ELL2: variants seen among roughly 807,000 people sequenced by gnomAD.
The protein encoded by ELL2 is RNA polymerase II elongation factor ELL2.
ELL2 carries 21 observed loss-of-function variants against 72.8 expected under a neutral mutation model. The ratio of observed to expected loss-of-function variants is 0.29; its 90% CI spans 0.20 to 0.42. ELL2 has a LOEUF of 0.42. ELL2 is among the 10% of genes least tolerant of loss of function. The pLI is 1.00. For missense variants in ELL2, 568 were observed against 772.8 expected (o/e 0.73, Z 3.14); for synonymous variants, 266 against 283.2 (o/e 0.94, Z 0.61).
intron 4 of ELL2, among the ~76,000 whole-genome samples, chr5:95,909,074 A>G (rs552837959): frequency 2.0e-5 from 3 of 152,326 alleles, no homozygotes; most frequent in African/African-American, 7.2e-5. Flanking sequence ...GGAGGTCTCC[A>G]AGGTCTACTG....
intron 5 of ELL2, among the ~76,000 whole-genome samples, chr5:95,905,041 C>T (rs1749301758): frequency 6.6e-6 from 1 of 151,976 alleles, no homozygotes; most frequent in African/African-American, 2.4e-5. Flanking sequence ...AATATGAGTG[C>T]CTAGGCCCCA....
chr5:95,936,725 A>C (rs57471342), intron 2 of ELL2, among the ~76,000 whole-genome samples: 38,024 of 151,950 alleles, frequency 0.25, 4,995 homozygotes, highest in East Asian at 0.37. Flanking sequence ...AACATAGGTG[A>C]CAGAGTAAGG....
chr5:95,900,868 A>C, intron 6 of ELL2, 88 bp from the exon 7 acceptor site: 11 of 1,559,194 alleles, frequency 7.1e-6, no homozygotes, highest in Non-Finnish European at 9.5e-6. Flanking sequence ...TCCCACCTTA[A>C]CACTAAAATA....
intron 1 of ELL2, among the ~76,000 whole-genome samples, chr5:95,946,614 G>A (rs964733758): frequency 6.6e-6 from 1 of 152,110 alleles, no homozygotes; most frequent in African/African-American, 2.4e-5. Context: ...AAACACATCC[G>A]CTATCAACCA....
At position 95,900,795 on chromosome 5, in the gene ELL2, C is replaced by T; in HGVS notation, c.867-15G>A. The T allele has an allele frequency of 1.3e-6, 2 of 1,598,356 alleles. No homozygotes were observed. The highest frequency in any genetic ancestry group is 1.7e-6 in the Non-Finnish European group (2 of 1,173,856). On this transcript the variant is annotated splice_polypyrimidine_tract_variant and intron_variant, in intron 6 of 11. Coordinates refer to ENST00000237853, the MANE Select transcript of ELL2 (RefSeq NM_012081.6). ...GATTTAGTTTTCTGTAAAGGACACA[C>T]ATGTTATGTGTTAAGGAGATGATTT...
intron 2 of ELL2, among the ~76,000 whole-genome samples, chr5:95,928,288 C>T (rs1303043394): frequency 6.6e-6 from 1 of 152,144 alleles, no homozygotes; most frequent in Non-Finnish European, 1.5e-5. Context: ...ATAGTTTCTT[C>T]AAAATGCAGT....
intron 9 of ELL2, among the ~76,000 whole-genome samples, chr5:95,893,246 C>G (rs1037590273): frequency 1.3e-5 from 2 of 152,056 alleles, no homozygotes; most frequent in African/African-American, 4.8e-5. Flanking sequence ...TGTTGTAGTT[C>G]TACAGTTGGC....
Position 95,895,718 on chromosome 5 carries a change from G to T in ELL2, c.1526-27C>A, listed in dbSNP as rs146922214. 28 of 1,583,728 alleles carry T rather than the reference G, an allele frequency of 1.8e-5. No individual in the cohort carries two copies. In the African/African-American group the frequency reaches 3.6e-4, roughly 21 times the overall value. ...TATGAAGAAAAAAAACAAAATCAGA[G>T]CATTCATCAACTACGAAGGTTATCA... On this transcript the variant is annotated intron_variant, in intron 8 of 11. Coordinates refer to ENST00000237853, the MANE Select transcript of ELL2 (RefSeq NM_012081.6).
intron 1 of ELL2, among the ~76,000 whole-genome samples, chr5:95,953,774 C>G (rs968223145): frequency 3.3e-5 from 5 of 152,320 alleles, no homozygotes; most frequent in Non-Finnish European, 7.4e-5. Context: ...ATTGAAAGCA[C>G]TCCTTCAAGG....
rs557499888 is a variant in ELL2 at position 95,886,669 on chromosome 5, A to T, written c.*2202T>A. The T allele has an allele frequency of 6.6e-6, 1 of 152,018 alleles. No individual in the cohort carries two copies. The highest frequency in any genetic ancestry group is 1.9e-4 in the East Asian group (1 of 5,182). 9.4% of individuals were successfully genotyped at this position (152,018 alleles called of 1,614,324 possible). ...TGACATGATGGACATTAAAAAAAAAAAAAAGCCAATAGTTGACCTTCAGTT... is the reference window on the plus strand; with the variant it reads ...TGACATGATGGACATTAAAAAAAAATAAAAGCCAATAGTTGACCTTCAGTT... On this transcript the variant is annotated 3_prime_UTR_variant, in exon 12 of 12. Transcript: ENST00000237853.
intron 4 of ELL2, among the ~76,000 whole-genome samples, chr5:95,908,345 G>A (rs1183728664): frequency 6.6e-6 from 1 of 152,086 alleles, no homozygotes; most frequent in East Asian, 1.9e-4. Flanking sequence ...ATGCTCAAAG[G>A]GTAAAATCCT....
Position 95,961,571 on chromosome 5 carries a change from T to A in ELL2, c.147+4A>T. On this transcript the variant is annotated splice_donor_region_variant and intron_variant, in intron 1 of 11. Transcript: ENST00000237853. The stretch of plus-strand genomic sequence containing the variant: ...GAGCCCAGCCTGCCGGCCGGCCCGC[T>A]CACCTTGTGGCTCTGGTAAGTCTCG... 6.3e-7 allele frequency: 1 copy of A among 1,581,888 alleles called. No individual in the cohort carries two copies. The highest frequency in any genetic ancestry group is 8.6e-7 in the Non-Finnish European group (1 of 1,166,550).
At chr5:95,921,068 G>A (rs1750060492) in intron 2 of ELL2, among the ~76,000 whole-genome samples, 1 of 152,054 alleles carries the variant, frequency 6.6e-6, no homozygotes, top group Non-Finnish European at 1.5e-5. Context: ...CCCAAACCTT[G>A]ACCTATAGGA....
intron 1 of ELL2, among the ~76,000 whole-genome samples, chr5:95,954,514 C>A (rs1751547140): frequency 6.7e-6 from 1 of 148,546 alleles, no homozygotes; most frequent in Admixed American, 6.7e-5. Context: ...TCACACCATT[C>A]TCCTGCCTCA....
intron 5 of ELL2, among the ~76,000 whole-genome samples, chr5:95,903,938 G>T (rs1749247546): frequency 6.6e-6 from 1 of 152,058 alleles, no homozygotes; most frequent in Admixed American, 6.6e-5. Context: ...TATAATCACA[G>T]ATTCCGTTCT....
rs35336485 is a variant in ELL2, at chr5:95,916,748, GAA to G, written c.317+2674_317+2675del. Among the ~76,000 whole-genome samples, 749 of 143,468 alleles carry G rather than the reference GAA, an allele frequency of 5.2e-3. 5 individuals are homozygous for G. Among genetic ancestry groups the G allele is most frequent in the African/African-American group, 0.015 (606 of 39,420 alleles). The allele number at this position is 143,468 out of a possible 152,430, so 94.1% of individuals were successfully genotyped here. Reference sequence around the variant, plus strand: ...ACTTGAGCATGTTTGCATGCCAAAGGAAAAAAAAAAAACCCACTGACAGAGGA... The same window carrying G: ...ACTTGAGCATGTTTGCATGCCAAAGGAAAAAAAAAACCCACTGACAGAGGA... On this transcript the variant is annotated intron_variant, in intron 3 of 11. Transcript: ENST00000237853.
chr5:95,920,993 A>G (rs118121318), intron 2 of ELL2, among the ~76,000 whole-genome samples: 1 of 152,314 alleles, frequency 6.6e-6, no homozygotes, highest in East Asian at 1.9e-4. Flanking sequence ...GGCATGTATG[A>G]TTCCTGCCTT....
intron 2 of ELL2, among the ~76,000 whole-genome samples, chr5:95,931,279 C>A (rs1318620345): frequency 2.6e-5 from 4 of 152,038 alleles, no homozygotes; most frequent in African/African-American, 9.7e-5. Flanking sequence ...CCTCATATGA[C>A]TGATGTGAAG....
chr5:95,911,990 G>C (rs751121639), intron 4 of ELL2, among the ~76,000 whole-genome samples: 14 of 152,190 alleles, frequency 9.2e-5, no homozygotes, highest in African/African-American at 2.4e-5. Flanking sequence ...TCTTAGGAGA[G>C]GGGAGGTATA....
Sources: allele counts gnomAD v4.1 joint callset (sites outside exome capture counted in the v4.1 genomes callset), GRCh38; gene constraint gnomAD v4.1.1; transcripts MANE v1.5; gene names NCBI Gene and HGNC (gene_info 2026-07-23, HGNC 2026-07-21).